Variants in CCM2 observed in about 807,000 individuals in gnomAD.
The protein encoded by CCM2 is CCM2 scaffold protein.
A neutral mutation model predicts 44.9 loss-of-function variants in CCM2; 25 were observed. The ratio of observed to expected loss-of-function variants is 0.56; its 90% confidence interval spans 0.41 to 0.78. The LOEUF is 0.78. Among genes scored for constraint, CCM2 ranks in the 30% least tolerant of loss-of-function variants. CCM2 has a pLI of 0.00. For missense variants in CCM2, 481 were observed against 580.6 expected (o/e 0.83, Z 1.76); for synonymous variants, 219 against 241.1 (o/e 0.91, Z 0.85).
In CCM2 at chr7:45,076,178, G is replaced by T; in HGVS notation, c.*121G>T. ...TGGCCAGGGAGAGGCGCCCGGTGCA[G>T]ATGGCCCCGGGCGGCCCAGGTCCTC... On this transcript the variant is annotated 3_prime_UTR_variant, in exon 10 of 10. Transcript: ENST00000258781. The T allele has an allele frequency of 2.1e-6, 3 of 1,414,792 alleles. No homozygotes were observed. Among genetic ancestry groups the T allele is most frequent in the Non-Finnish European group, 2.9e-6 (3 of 1,033,154 alleles). 87.6% of individuals were successfully genotyped at this position (1,414,792 alleles called of 1,614,324 possible).
At chr7:45,053,680 C>T (rs11763589) in intron 2 of CCM2, among the ~76,000 whole-genome samples, 34,172 of 152,112 alleles carry the variant, frequency 0.22, 3,847 homozygotes, top group Admixed American at 0.25. Flanking sequence ...GTTCTGTACA[C>T]GCACACCTGA....
chr7:45,016,206 A>C (rs1299876939), intron 1 of CCM2, among the ~76,000 whole-genome samples: 1 of 152,192 alleles, frequency 6.6e-6, no homozygotes, highest in Non-Finnish European at 1.5e-5. Flanking sequence ...TTGGAACAGG[A>C]ATTTGTGCTG....
At chr7:45,073,143 G>A (rs1449753600) in intron 7 of CCM2, 27 of 572,358 alleles carry the variant, frequency 4.7e-5, no homozygotes, top group Non-Finnish European at 7.8e-5. Flanking sequence ...TCACCCACTC[G>A]CGCTCTCCAT....
At chr7:45,045,635 C>CA (rs896964203) in intron 2 of CCM2, among the ~76,000 whole-genome samples, 1 of 152,010 alleles carries the variant, frequency 6.6e-6, no homozygotes, top group African/African-American at 2.4e-5. Flanking sequence ...ACTAAAAATA[C>CA]AAAAAATTAG....
chr7:45,040,646 T>A (rs1403201076), intron 2 of CCM2, among the ~76,000 whole-genome samples: 2 of 152,084 alleles, frequency 1.3e-5, no homozygotes, highest in Non-Finnish European at 2.9e-5. Flanking sequence ...AAACCTCAAC[T>A]CACAGAAGCC....
intron 1 of CCM2, among the ~76,000 whole-genome samples, chr7:45,019,734 T>C (rs955102826): frequency 6.6e-6 from 1 of 152,108 alleles, no homozygotes; most frequent in Non-Finnish European, 1.5e-5. Flanking sequence ...AGGCATGCAC[T>C]ATCTGGCTAA....
At chr7:45,045,583 A>C (rs958257968) in intron 2 of CCM2, among the ~76,000 whole-genome samples, 5 of 152,212 alleles carry the variant, frequency 3.3e-5, no homozygotes, top group Non-Finnish European at 4.4e-5. Context: ...CAAGGTCAGG[A>C]GATCAAGACC....
At chr7:45,030,755 A>T (rs1796926951) in intron 1 of CCM2, among the ~76,000 whole-genome samples, 1 of 151,292 alleles carries the variant, frequency 6.6e-6, no homozygotes, top group South Asian at 2.1e-4. Flanking sequence ...ACGGAGTCTC[A>T]CTCTGTCACC....
intron 1 of CCM2, among the ~76,000 whole-genome samples, chr7:45,033,648 G>C (rs767421713): frequency 2.0e-5 from 3 of 152,218 alleles, no homozygotes; most frequent in Non-Finnish European, 4.4e-5. Flanking sequence ...GCTGATGTGA[G>C]ATTATCCATG....
intron 1 of CCM2, among the ~76,000 whole-genome samples, chr7:45,025,522 TTCTC>T (rs927828965): frequency 3.7e-5 from 5 of 135,674 alleles, no homozygotes; most frequent in African/African-American, 8.5e-5. Flanking sequence ...TTGTTCTCTG[TTCTC>T]TCTTTTTCTT....
At chr7:45,054,241 T>TA (rs1252838786) in intron 2 of CCM2, among the ~76,000 whole-genome samples, 1 of 152,100 alleles carries the variant, frequency 6.6e-6, no homozygotes, top group African/African-American at 2.4e-5. Context: ...GCCTATGTGT[T>TA]ATATTCAAGC....
chr7:45,009,943 T>C (rs1374934193), intron 1 of CCM2, among the ~76,000 whole-genome samples: 1 of 151,654 alleles, frequency 6.6e-6, no homozygotes, highest in Non-Finnish European at 1.5e-5. Context: ...AGGGTCTCAC[T>C]CTGTCACAGA....
chr7:45,006,227 C>T (rs1469208762), intron 1 of CCM2, among the ~76,000 whole-genome samples: 1 of 152,190 alleles, frequency 6.6e-6, no homozygotes, highest in Non-Finnish European at 1.5e-5. Flanking sequence ...ACCTTCTCCT[C>T]ATTCCTGCTT....
intron 5 of CCM2, 101 bp from the exon 6 acceptor site, chr7:45,069,725 T>G: frequency 1.4e-6 from 2 of 1,442,144 alleles, no homozygotes; most frequent in Non-Finnish European, 1.9e-6. Flanking sequence ...TCTTCATTCA[T>G]GTTTATTGAG....
intron 1 of CCM2, among the ~76,000 whole-genome samples, chr7:45,007,730 G>A (rs965250019): frequency 2.0e-5 from 3 of 152,162 alleles, no homozygotes; most frequent in African/African-American, 4.8e-5. Context: ...GGTGTGTCTT[G>A]TAACCCAAGG....
At chr7:45,066,223 A>G (rs1032197483) in intron 4 of CCM2, among the ~76,000 whole-genome samples, 1 of 152,194 alleles carries the variant, frequency 6.6e-6, no homozygotes, top group Non-Finnish European at 1.5e-5. Flanking sequence ...CCTGGGGGCC[A>G]TCTTCCTTGT....
At chr7:45,073,151 CATT>C in intron 7 of CCM2, 1 of 573,452 alleles carries the variant, frequency 1.7e-6, no homozygotes, top group Admixed American at 3.0e-5. Context: ...TCGCGCTCTC[CATT>C]CCTGCCACCT....
At chr7:45,011,092 T>C (rs1460521681) in intron 1 of CCM2, among the ~76,000 whole-genome samples, 2 of 152,092 alleles carry the variant, frequency 1.3e-5, no homozygotes, top group African/African-American at 2.4e-5. Context: ...CAGGCTGGAG[T>C]GTAGTGGTGC....
chr7:45,038,211 T>C (rs1368966879), intron 1 of CCM2, 42 bp from the exon 2 acceptor site: 3 of 1,611,104 alleles, frequency 1.9e-6, no homozygotes, highest in African/African-American at 2.7e-5. Context: ...CACAAAGCAT[T>C]TGTAAATAAT....
Sources: allele counts gnomAD v4.1 joint callset (sites outside exome capture counted in the v4.1 genomes callset), GRCh38; gene constraint gnomAD v4.1.1; transcripts MANE v1.5; gene names NCBI Gene and HGNC (gene_info 2026-07-23, HGNC 2026-07-21).